HUWE1: variants seen among roughly 807,000 people sequenced by gnomAD.
HUWE1 encodes E3 ubiquitin-protein ligase HUWE1.
In HUWE1, 18 loss-of-function variants were observed where a neutral mutation model predicts 299.4. The ratio of observed to expected loss-of-function variants is 0.06; its 90% CI spans 0.04 to 0.09. HUWE1 has a LOEUF of 0.09. Among genes scored for constraint, HUWE1 ranks in the 10% least tolerant of loss-of-function variants. HUWE1 has a pLI of 1.00. For synonymous variants in HUWE1, 1,317 were observed against 1,286.1 expected (o/e 1.02, Z -0.51); for missense variants, 1,832 against 3,462.3 (o/e 0.53, Z 11.82).
At chrX:53,662,434 T>C (rs1222393192) in intron 3 of HUWE1, among the ~76,000 whole-genome samples, 1 of 111,850 alleles carries the variant, frequency 8.9e-6, no homozygotes, top group East Asian at 2.8e-4. Context: ...ACTAGTTCCA[T>C]TTGAGGAACT....
rs2061615638 is a variant in HUWE1 at position 53,547,894 on chromosome X, G to C, written c.10415C>G (p.Ala3472Gly). 5.0e-6 allele frequency: 6 copies of C among 1,210,513 alleles called. No homozygotes were observed. Among genetic ancestry groups the C allele is most frequent in the Non-Finnish European group, 6.7e-6 (6 of 894,896 alleles). The part of the protein sequence containing the change: ...IALPENKVSE[A>G]QANSGSGASS... ...AGCACCGCTGCCAGAATTAGCCTGTGCTTCTGACACCTTGTTTTCTGGGAG... is the reference window on the plus strand; with the variant it reads ...AGCACCGCTGCCAGAATTAGCCTGTCCTTCTGACACCTTGTTTTCTGGGAG... Residue 3472 changes from alanine (A) to glycine (G), a missense_variant, in exon 68 of 84, where the codon GCA becomes GGA. Physicochemically the swap from Ala to Gly is moderately conservative, Grantham distance 60. Coordinates refer to ENST00000262854, the MANE Select transcript of HUWE1 (RefSeq NM_031407.7).
intron 19 of HUWE1, among the ~76,000 whole-genome samples, chrX:53,620,440 C>T (rs1191461870): frequency 9.1e-6 from 1 of 110,457 alleles, no homozygotes; most frequent in Non-Finnish European, 1.9e-5. Context: ...AGGATTTCAC[C>T]ATGTTGCCCA....
intron 47 of HUWE1, among the ~76,000 whole-genome samples, chrX:53,573,137 G>C (rs1439902435): frequency 9.0e-6 from 1 of 111,215 alleles, no homozygotes; most frequent in African/African-American, 3.3e-5. Context: ...TCTGACTCCA[G>C]TCTTCCCTCT....
chrX:53,650,367 C>T (rs1319618853), intron 4 of HUWE1, among the ~76,000 whole-genome samples: 1 of 111,868 alleles, frequency 8.9e-6, no homozygotes, highest in African/African-American at 3.3e-5. Context: ...AGAAACTTTC[C>T]TAATGTGAAA....
intron 36 of HUWE1, among the ~76,000 whole-genome samples, chrX:53,588,830 G>A (rs1489233180): frequency 9.0e-6 from 1 of 111,662 alleles, no homozygotes; most frequent in Admixed American, 9.5e-5. Flanking sequence ...CCCCAAAAAG[G>A]TTCTATCAAC....
Position 53,585,006 on chromosome X carries a change from A to G in HUWE1, c.5001+6T>C, listed in dbSNP as rs1556971922. ...GGTTAGACAAGCTTGGTGAGTGAGCATGTACCTGCACCATTGTAGTGAATT... is the reference window on the plus strand; with the variant it reads ...GGTTAGACAAGCTTGGTGAGTGAGCGTGTACCTGCACCATTGTAGTGAATT... On this transcript the variant is annotated splice_donor_region_variant and intron_variant, in intron 40 of 83. Coordinates refer to ENST00000262854, the MANE Select transcript of HUWE1 (RefSeq NM_031407.7). 1 of 1,211,613 alleles carries G rather than the reference A, an allele frequency of 8.3e-7. No homozygotes were observed. Among genetic ancestry groups the G allele is most frequent in the Non-Finnish European group, 1.1e-6 (1 of 895,242 alleles).
intron 48 of HUWE1, among the ~76,000 whole-genome samples, chrX:53,569,397 C>T (rs2062719242): frequency 8.9e-6 from 1 of 112,706 alleles, no homozygotes; most frequent in Admixed American, 9.4e-5. Context: ...TAAAAGTACA[C>T]TTAACATTTC....
At chrX:53,579,284 G>A (rs2063472715) in intron 43 of HUWE1, among the ~76,000 whole-genome samples, 1 of 84,989 alleles carries the variant, frequency 1.2e-5, no homozygotes, top group Non-Finnish European at 2.3e-5. Flanking sequence ...GAAGTGAGGA[G>A]CCCCTCTGCC....
intron 75 of HUWE1, 37 bp from the exon 76 acceptor site, chrX:53,539,117 C>T (rs6638357): frequency 8.5e-7 from 1 of 1,179,966 alleles, no homozygotes. Flanking sequence ...ACATTTTACT[C>T]TGCAAACTTC....
intron 32 of HUWE1, 122 bp from the exon 33 acceptor site, chrX:53,592,750 C>T: frequency 7.3e-6 from 4 of 546,672 alleles, no homozygotes; most frequent in Admixed American, 2.7e-5. Flanking sequence ...AATAATTGGC[C>T]AACATGAGGA....
intron 19 of HUWE1, among the ~76,000 whole-genome samples, chrX:53,618,271 T>C (rs2065909990): frequency 9.1e-6 from 1 of 110,494 alleles, no homozygotes; most frequent in South Asian, 3.7e-4. Context: ...AGAGCAATAA[T>C]ATAAATTAGA....
chrX:53,556,129 C>G (rs2062006496), intron 60 of HUWE1: 1 of 333,489 alleles, frequency 3.0e-6, no homozygotes, highest in Non-Finnish European at 6.0e-6. Flanking sequence ...TAAACACCAT[C>G]TGTCCCCTTC....
chrX:53,650,990 C>A (rs1603252988), intron 4 of HUWE1, among the ~76,000 whole-genome samples: 1 of 111,488 alleles, frequency 9.0e-6, no homozygotes, highest in African/African-American at 3.3e-5. Context: ...TAAGTTGAAT[C>A]TTGCTGGACG....
intron 51 of HUWE1, 141 bp from the exon 52 acceptor site, chrX:53,563,962 G>A: frequency 3.0e-6 from 2 of 676,675 alleles, no homozygotes; most frequent in Non-Finnish European, 4.6e-6. Context: ...CCACACATTC[G>A]GTGCTAATTA....
chrX:53,556,581 T>C (rs782751944), intron 60 of HUWE1, among the ~76,000 whole-genome samples: 7 of 111,398 alleles, frequency 6.3e-5, no homozygotes, highest in African/African-American at 2.0e-4. Flanking sequence ...AACCAACTGA[T>C]AGAATCACAA....
At chrX:53,563,706 A>G in intron 52 of HUWE1, 40 bp downstream of exon 52, 1 of 1,191,039 alleles carries the variant, frequency 8.4e-7, no homozygotes, top group Non-Finnish European at 1.1e-6. Context: ...AGAGAGACTG[A>G]GGCAAAGGAA....
At chrX:53,631,710 G>A in intron 9 of HUWE1, 96 bp from the exon 10 acceptor site, 2 of 607,639 alleles carry the variant, frequency 3.3e-6, no homozygotes, top group African/African-American at 2.2e-5. Flanking sequence ...AAACCAAGAT[G>A]TCACCTAATA....
At chrX:53,580,699 CAATT>C in intron 43 of HUWE1, 128 bp downstream of exon 43, 4 of 616,867 alleles carry the variant, frequency 6.5e-6, no homozygotes, top group South Asian at 2.7e-5. Context: ...CCCAAACAAT[CAATT>C]AGCCAGCAAA....
intron 18 of HUWE1, 34 bp downstream of exon 18, chrX:53,625,123 T>C: frequency 1.1e-6 from 1 of 905,145 alleles, no homozygotes; most frequent in Admixed American, 2.2e-5. Context: ...GAGAGTAAAA[T>C]ATCCTCCAAA....
Sources: gnomAD v4.1 joint callset for allele counts (sites outside exome capture counted in the v4.1 genomes callset) on GRCh38, gnomAD v4.1.1 for gene constraint, MANE v1.5 for transcripts, NCBI Gene and HGNC (gene_info 2026-07-23, HGNC 2026-07-21) for gene names.